NAF1: variants seen among roughly 807,000 people sequenced by gnomAD.
The protein encoded by NAF1 is H/ACA ribonucleoprotein complex non-core subunit NAF1.
NAF1 carries 11 observed loss-of-function variants against 40.6 expected under a neutral mutation model. The ratio of observed to expected loss-of-function variants is 0.27; its 90% confidence interval spans 0.17 to 0.45. The LOEUF (loss-of-function observed/expected upper bound fraction) is 0.45. Among genes scored for constraint, NAF1 ranks in the 20% least tolerant of loss-of-function variants. The pLI, the probability that NAF1 is intolerant of heterozygous loss-of-function variation, is 1.00. For synonymous variants in NAF1, 260 were observed against 228.5 expected (o/e 1.14, Z -1.24); for missense variants, 607 against 611.1 (o/e 0.99, Z 0.07).
chr4:163,152,934 C>T (rs549410793), intron 2 of NAF1, among the ~76,000 whole-genome samples: 189 of 152,336 alleles, frequency 1.2e-3, no homozygotes, highest in Non-Finnish European at 2.2e-3. Flanking sequence ...GGGCCCCGCA[C>T]TCAGAGCAGC....
chr4:163,162,749 C>A (rs1378929706), intron 2 of NAF1, among the ~76,000 whole-genome samples: 2 of 152,148 alleles, frequency 1.3e-5, no homozygotes, highest in Non-Finnish European at 2.9e-5. Flanking sequence ...CCTATTCACA[C>A]ACTCATTCTA....
chr4:163,141,121 T>C (rs1387290061), intron 4 of NAF1, among the ~76,000 whole-genome samples: 1 of 152,210 alleles, frequency 6.6e-6, no homozygotes, highest in Non-Finnish European at 1.5e-5. Context: ...ATCCCAGCAC[T>C]TTAGGAGGTG....
At chr4:163,139,179 T>A (rs1316501865) in intron 5 of NAF1, among the ~76,000 whole-genome samples, 1 of 152,052 alleles carries the variant, frequency 6.6e-6, no homozygotes, top group Non-Finnish European at 1.5e-5. Context: ...GCAACTGGGG[T>A]TGGTACCTTT....
intron 2 of NAF1, among the ~76,000 whole-genome samples, chr4:163,117,824 A>G (rs537384644): frequency 5.3e-5 from 8 of 152,170 alleles, no homozygotes; most frequent in Non-Finnish European, 1.0e-4. Flanking sequence ...GATCATATAA[A>G]GATCAACCCA....
intron 2 of NAF1, among the ~76,000 whole-genome samples, chr4:163,163,439 T>A (rs1349691257): frequency 6.6e-6 from 1 of 152,164 alleles, no homozygotes; most frequent in African/African-American, 2.4e-5. Flanking sequence ...GAATTATGAT[T>A]AGTGACCATT....
downstream of NAF1, among the ~76,000 whole-genome samples, chr4:163,127,733 G>A (rs1333604051): frequency 6.6e-6 from 1 of 152,204 alleles, no homozygotes; most frequent in Non-Finnish European, 1.5e-5. Context: ...ATGCTGCAAA[G>A]AGTCCCCTCA....
At chr4:163,152,807 G>A (rs961979991) in intron 2 of NAF1, among the ~76,000 whole-genome samples, 2 of 152,216 alleles carry the variant, frequency 1.3e-5, no homozygotes, top group African/African-American at 4.8e-5. Flanking sequence ...GCAGGCCAAG[G>A]CCAGAGCCGG....
downstream of NAF1, among the ~76,000 whole-genome samples, chr4:163,122,618 T>A (rs972759815): frequency 2.6e-5 from 4 of 152,232 alleles, no homozygotes; most frequent in Non-Finnish European, 4.4e-5. Flanking sequence ...AGTTTGACTG[T>A]CTGTCCCCTC....
intron 2 of NAF1, among the ~76,000 whole-genome samples, chr4:163,149,049 T>A (rs1037853089): frequency 1.4e-4 from 22 of 152,256 alleles, no homozygotes; most frequent in African/African-American, 4.8e-4. Flanking sequence ...CTCTCTAGGT[T>A]AAAAAATAAG....
Position 163,128,799 on chromosome 4 carries a change from G to T in NAF1, c.*98C>A. The T allele has an allele frequency of 2.2e-6, 3 of 1,344,532 alleles. No individual in the cohort carries two copies. Among genetic ancestry groups the T allele is most frequent in the Non-Finnish European group, 3.0e-6 (3 of 1,013,978 alleles). The allele number at this position is 1,344,532 out of a possible 1,614,324, so 83.3% of individuals were successfully genotyped here. The stretch of plus-strand genomic sequence containing the variant: ...AGAAGGAATCATTTAGTATTTTACA[G>T]TGTTTTTAAAAATCTAGCTCCATAA... On this transcript the variant is annotated 3_prime_UTR_variant, in exon 8 of 8. Transcript: ENST00000274054.
intron 1 of NAF1, among the ~76,000 whole-genome samples, chr4:163,166,059 ACCT>A (rs1313264179): frequency 6.6e-6 from 1 of 152,168 alleles, no homozygotes; most frequent in African/African-American, 2.4e-5. Flanking sequence ...TACGGAAATA[ACCT>A]AAGATCCTCG....
In NAF1 at chr4:163,129,382, A is replaced by G. The variant is rs1001633869; in HGVS notation, c.1034-34T>C. 13 of 1,546,166 alleles carry G rather than the reference A, an allele frequency of 8.4e-6. No individual in the cohort carries two copies. The African/African-American group carries it at 1.8e-4, about 21-fold the overall frequency. On this transcript the variant is annotated intron_variant, in intron 7 of 7. Coordinates refer to ENST00000274054, the MANE Select transcript of NAF1 (RefSeq NM_138386.3). ...GAGGGGAGGGAAAACATAAAAAGGA[A>G]AATAAGTTTAATATATCAAAAAGCA...
At chr4:163,144,986 A>G (rs1342588178) in intron 4 of NAF1, among the ~76,000 whole-genome samples, 1 of 152,234 alleles carries the variant, frequency 6.6e-6, no homozygotes, top group African/African-American at 2.4e-5. Flanking sequence ...ATTCAACTCA[A>G]TACACATTTA....
downstream of NAF1, among the ~76,000 whole-genome samples, chr4:163,122,398 A>ATTT (rs1406843797): frequency 2.0e-5 from 3 of 152,214 alleles, no homozygotes; most frequent in African/African-American, 7.2e-5. Flanking sequence ...AAAGAGGAAA[A>ATTT]GAATGAGAAA....
At chr4:163,125,777 T>G (rs996424052), downstream of NAF1, among the ~76,000 whole-genome samples, 3 of 152,238 alleles carry the variant, frequency 2.0e-5, no homozygotes, top group Non-Finnish European at 4.4e-5. Flanking sequence ...AGGATTTTCA[T>G]AGCTGTAGAA....
rs566536559 is a variant in NAF1 at position 163,166,750 on chromosome 4, C to G, written c.-23G>C. 240 of 1,612,456 alleles carry G rather than the reference C, an allele frequency of 1.5e-4. 1 individual carries two copies. In the Admixed American group the frequency reaches 3.9e-3, roughly 26 times the overall value. On this transcript the variant is annotated 5_prime_UTR_variant, in exon 1 of 8. Coordinates refer to ENST00000274054, the MANE Select transcript of NAF1 (RefSeq NM_138386.3). ...CATCGCACCGCGCCAGAAACCGGGT[C>G]GGCCTCAGGATTGGGGCCCCTGGAC... is the stretch of plus-strand genomic sequence containing the variant.
intron 7 of NAF1, 51 bp from the exon 8 acceptor site, chr4:163,129,399 CA>C: frequency 6.7e-7 from 1 of 1,494,006 alleles, no homozygotes; most frequent in Non-Finnish European, 9.1e-7. Flanking sequence ...TTTAATATAT[CA>C]AAAAGCATTG....
chr4:163,106,400 C>G (rs1487356601), downstream of NAF1, among the ~76,000 whole-genome samples: 9 of 152,206 alleles, frequency 5.9e-5, no homozygotes, highest in African/African-American at 2.2e-4. Context: ...ACTTCAGTCC[C>G]ACTGCTATAC....
At chr4:163,162,898 T>C (rs967557904) in intron 2 of NAF1, among the ~76,000 whole-genome samples, 2 of 152,174 alleles carry the variant, frequency 1.3e-5, no homozygotes, top group Non-Finnish European at 2.9e-5. Context: ...AAATCCTTTT[T>C]GATCTTCTGA....
Sources: gnomAD v4.1 joint callset for allele counts (sites outside exome capture counted in the v4.1 genomes callset) on GRCh38, gnomAD v4.1.1 for gene constraint, MANE v1.5 for transcripts, NCBI Gene and HGNC (gene_info 2026-07-23, HGNC 2026-07-21) for gene names.